The following CTBP2 variants were observed in gnomAD, a reference collection of about 807,000 sequenced individuals.
CTBP2 encodes the protein C-terminal-binding protein 2.
Under a neutral mutation model 80.3 loss-of-function variants are expected in CTBP2, and 30 were observed. That is an observed-to-expected ratio of 0.37 (90% CI 0.28 to 0.51). The LOEUF is 0.51. CTBP2 is among the 20% of genes least tolerant of loss of function. The probability of loss-of-function intolerance (pLI) is 0.93; values close to 1 mark genes in which losing one functional copy is unlikely to be tolerated. For missense variants in CTBP2, 1,212 were observed against 1,375.3 expected (o/e 0.88, Z 1.88); for synonymous variants, 594 against 587.4 (o/e 1.01, Z -0.16).
rs538157661 is a variant in CTBP2 at position 125,005,457 on chromosome 10, C to T, written c.1679-1965G>A. 915 of 1,325,148 alleles carry T rather than the reference C, an allele frequency of 6.9e-4. 2 individuals are homozygous for T. Among genetic ancestry groups the T allele is most frequent in the South Asian group, 1.7e-3 (122 of 70,154 alleles). 82.1% of individuals were successfully genotyped at this position (1,325,148 alleles called of 1,614,324 possible). On this transcript the variant is annotated intron_variant, in intron 1 of 8. Transcript: ENST00000309035. ...CCCAAACAGGGTGTCCGCATGGATC[C>T]GCACTCCAACATCCTTCTGCACCAG...
intron 1 of CTBP2, among the ~76,000 whole-genome samples, chr10:125,134,139 T>G (rs1377557434): frequency 6.6e-6 from 1 of 152,106 alleles, no homozygotes. Context: ...GTTCTGAAAA[T>G]GCAAATATTG....
At chr10:125,016,935 G>A (rs988218861) in intron 1 of CTBP2, among the ~76,000 whole-genome samples, 1 of 152,216 alleles carries the variant, frequency 6.6e-6, no homozygotes, top group Non-Finnish European at 1.5e-5. Flanking sequence ...GGGTTGAGAG[G>A]CCAGAGGTCA....
intron 2 of CTBP2, among the ~76,000 whole-genome samples, chr10:125,054,065 G>A (rs182090675): frequency 2.6e-3 from 389 of 152,200 alleles, no homozygotes; most frequent in African/African-American, 7.9e-3. Flanking sequence ...GGCCATGGAG[G>A]CTTTTCTGAA....
intron 1 of CTBP2, among the ~76,000 whole-genome samples, chr10:125,139,317 C>T (rs530991694): frequency 3.5e-5 from 5 of 143,786 alleles, no homozygotes; most frequent in African/African-American, 1.3e-4. Context: ...TCCAGTGAGC[C>T]GAGATTGCAC....
chr10:125,022,929 C>T lies in CTBP2; in HGVS notation c.1678+3153G>A, dbSNP rs114440058. ...CAGCAGGGGTGTGGGCCGATGGCGG[C>T]GACCCTCTATACAGATTCTGATAGG... On this transcript the variant is annotated intron_variant, in intron 1 of 8. Coordinates refer to ENST00000309035, the MANE Select transcript of CTBP2 (RefSeq NM_022802.3). 5.3e-3 allele frequency among the ~76,000 whole-genome samples: 800 copies of T among 152,328 alleles called. 8 individuals carry two copies. Among genetic ancestry groups the T allele is most frequent in the African/African-American group, 0.018 (766 of 41,570 alleles).
At chr10:125,068,447 T>C (rs1844973868) in intron 2 of CTBP2, among the ~76,000 whole-genome samples, 1 of 152,246 alleles carries the variant, frequency 6.6e-6, no homozygotes, top group African/African-American at 2.4e-5. Context: ...GTAGAGAACA[T>C]TTTATTTGCA....
chr10:125,117,519 C>A (rs1460067352), intron 1 of CTBP2, among the ~76,000 whole-genome samples: 1 of 152,144 alleles, frequency 6.6e-6, no homozygotes, highest in Non-Finnish European at 1.5e-5. Flanking sequence ...AAGGACAAAC[C>A]CACCCTGAGA....
chr10:125,139,170 G>A (rs1048861255), intron 1 of CTBP2, among the ~76,000 whole-genome samples: 2 of 151,994 alleles, frequency 1.3e-5, no homozygotes, highest in African/African-American at 2.4e-5. Context: ...CCAGGAGTTC[G>A]AGAGCAGCCT....
chr10:125,026,514 C>A lies in CTBP2; in HGVS notation c.1246G>T (p.Glu416Ter), dbSNP rs1183414093. 6.3e-6 allele frequency: 10 copies of A among 1,597,252 alleles called. No individual in the cohort carries two copies. The highest frequency in any genetic ancestry group is 2.3e-5 in the East Asian group (1 of 44,126). The change falls in exon 1 of 9, where the codon GAG (glutamate) becomes TAG (stop). Residue 416 changes from glutamate (E) to a stop codon, truncating the protein, a stop_gained. Coordinates refer to ENST00000309035, the MANE Select transcript of CTBP2 (RefSeq NM_022802.3). LOFTEE classifies it high-confidence loss of function. The stretch of plus-strand genomic sequence containing the variant: ...GGGGCAGAATAGGTGGCTGCCGTCT[C>A]CAGGAGGTGCTGAGATGGTGCGCTG...
intron 2 of CTBP2, among the ~76,000 whole-genome samples, chr10:125,092,150 G>T (rs976959141): frequency 2.7e-5 from 4 of 148,348 alleles, no homozygotes; most frequent in African/African-American, 9.9e-5. Flanking sequence ...CTAGGTCAAA[G>T]AGCATGGTTT....
chr10:125,015,145 C>T (rs1956341534), intron 1 of CTBP2, among the ~76,000 whole-genome samples: 2 of 152,316 alleles, frequency 1.3e-5, no homozygotes, highest in Admixed American at 6.5e-5. Flanking sequence ...GGGAAACCTG[C>T]GTGGTCAGTC....
At chr10:125,148,362 C>CA (rs769768051) in intron 1 of CTBP2, among the ~76,000 whole-genome samples, 6 of 152,150 alleles carry the variant, frequency 3.9e-5, no homozygotes, top group Non-Finnish European at 8.8e-5. Context: ...CAGGCGTGAC[C>CA]AAAAAGGTGG....
chr10:125,114,401 GCA>G (rs1852839791), intron 1 of CTBP2, among the ~76,000 whole-genome samples: 1 of 151,680 alleles, frequency 6.6e-6, no homozygotes, highest in African/African-American at 2.4e-5. Context: ...GAGAACCGCA[GCA>G]CCCAGAGATG....
intron 1 of CTBP2, among the ~76,000 whole-genome samples, chr10:125,016,195 T>C (rs182350963): frequency 1.5e-3 from 235 of 152,176 alleles, no homozygotes; most frequent in Non-Finnish European, 2.6e-3. Flanking sequence ...AAGGGACTTT[T>C]CCTCCAAGGT....
intron 1 of CTBP2, among the ~76,000 whole-genome samples, chr10:125,114,805 A>G (rs945470998): frequency 3.5e-4 from 11 of 31,488 alleles, no homozygotes; most frequent in African/African-American, 1.3e-3. Context: ...CACCCACCCA[A>G]ATGCAGAGAT....
At chr10:125,109,480 G>C (rs1046380436) in intron 2 of CTBP2, among the ~76,000 whole-genome samples, 2 of 152,280 alleles carry the variant, frequency 1.3e-5, no homozygotes, top group Admixed American at 6.5e-5. Flanking sequence ...CTGAGAGTGA[G>C]AGCCAGAAAA....
At chr10:124,992,887 C>A in intron 7 of CTBP2, 75 bp from the exon 10 acceptor site, 3 of 1,145,586 alleles carry the variant, frequency 2.6e-6, no homozygotes, top group Middle Eastern at 4.0e-4. Context: ...CCTGTAGCTG[C>A]TTATGTGGGG....
intron 1 of CTBP2, among the ~76,000 whole-genome samples, chr10:125,111,964 G>A (rs35741436): frequency 0.074 from 11,183 of 152,062 alleles, 463 homozygotes; most frequent in African/African-American, 0.1. Flanking sequence ...AGTCTTGCTC[G>A]AGCCCCACGA....
At position 125,048,542 on chromosome 10, in the gene CTBP2, C is replaced by T. The variant is rs79644710; in HGVS notation, c.-101-9387G>A. 7.5e-3 allele frequency among the ~76,000 whole-genome samples: 1,143 copies of T among 152,238 alleles called. 15 individuals are homozygous for T. Among genetic ancestry groups the T allele is most frequent in the East Asian group, 0.041 (210 of 5,146 alleles). On this transcript the variant is annotated intron_variant, in intron 2 of 10. Transcript: ENST00000337195. ...CGCCAGCGCCTACTTGTTTATCTCC[C>T]GAGACGCTAGCTGGGGGTCCCACTT...
Sources: gnomAD v4.1 joint callset for allele counts (sites outside exome capture counted in the v4.1 genomes callset) on GRCh38, gnomAD v4.1.1 for gene constraint, MANE v1.5 for transcripts, NCBI Gene and HGNC (gene_info 2026-07-23, HGNC 2026-07-21) for gene names.